The following ZBTB16 variants were observed in gnomAD, a reference collection of about 807,000 sequenced individuals.
ZBTB16 encodes the protein zinc finger and BTB domain-containing protein 16.
A neutral mutation model predicts 56.8 loss-of-function variants in ZBTB16; 8 were observed. The observed-to-expected ratio is 0.14, with a 90% CI of 0.08 to 0.25. The LOEUF is 0.25. Ranked by LOEUF, ZBTB16 falls within the 10% of genes least tolerant of loss-of-function variation. ZBTB16 has a pLI of 1.00. For missense variants in ZBTB16, 625 were observed against 903.0 expected, an observed-to-expected ratio of 0.69 and a Z score of 3.95; for synonymous variants, 363 against 368.5, an observed-to-expected ratio of 0.98 and a Z score of 0.17.
intron 2 of ZBTB16, among the ~76,000 whole-genome samples, chr11:114,099,132 T>C (rs1940519689): frequency 6.6e-6 from 1 of 152,228 alleles, no homozygotes. Flanking sequence ...AGTTGAGCAA[T>C]GTTCTGTTTG....
intron 2 of ZBTB16, among the ~76,000 whole-genome samples, chr11:114,103,710 G>A (rs978872163): frequency 3.3e-5 from 5 of 151,990 alleles, no homozygotes; most frequent in East Asian, 1.9e-4. Context: ...TAGAAGATGC[G>A]GGGTGGAGAT....
chr11:114,172,498 A>C (rs911937236), intron 3 of ZBTB16, among the ~76,000 whole-genome samples: 4 of 152,198 alleles, frequency 2.6e-5, no homozygotes, highest in African/African-American at 9.7e-5. Flanking sequence ...TCACCTAGCA[A>C]GTAAGAGACA....
intron 4 of ZBTB16, among the ~76,000 whole-genome samples, chr11:114,222,258 AC>A (rs1944244134): frequency 6.6e-6 from 1 of 150,692 alleles, no homozygotes. Flanking sequence ...ACCTGAATGA[AC>A]AGAAAGTATC....
chr11:114,119,718 C>G (rs1170454917), intron 2 of ZBTB16, among the ~76,000 whole-genome samples: 1 of 152,126 alleles, frequency 6.6e-6, no homozygotes, highest in Admixed American at 6.5e-5. Context: ...GTGTCAGTCT[C>G]TGAGTTAGGT....
At chr11:114,130,830 GA>G (rs1158394491) in intron 2 of ZBTB16, among the ~76,000 whole-genome samples, 1 of 152,222 alleles carries the variant, frequency 6.6e-6, no homozygotes. Context: ...TAAAGAAAAT[GA>G]AACAGTTAAC....
At chr11:114,108,010 T>C (rs1445676257) in intron 2 of ZBTB16, among the ~76,000 whole-genome samples, 1 of 152,102 alleles carries the variant, frequency 6.6e-6, no homozygotes, top group African/African-American at 2.4e-5. Flanking sequence ...TCATTATTAT[T>C]ATTAGTTTGT....
chr11:114,084,396 TTCCCTCAGAGTG>T (rs1301292927), intron 2 of ZBTB16, among the ~76,000 whole-genome samples: 1 of 152,240 alleles, frequency 6.6e-6, no homozygotes, highest in African/African-American at 2.4e-5. Flanking sequence ...GAGGCTGCTC[TTCCCTCAGAGTG>T]TCCAACTAGC....
At chr11:114,076,637 C>T (rs561584121) in intron 2 of ZBTB16, among the ~76,000 whole-genome samples, 3 of 149,990 alleles carry the variant, frequency 2.0e-5, no homozygotes, top group South Asian at 4.3e-4. Context: ...CCCCCACCCC[C>T]GCCCCCTTGG....
chr11:114,225,104 G>T (rs1304184347), intron 4 of ZBTB16, among the ~76,000 whole-genome samples: 1 of 152,136 alleles, frequency 6.6e-6, no homozygotes, highest in Non-Finnish European at 1.5e-5. Context: ...TCAGGAATTG[G>T]CCAGAAGTCA....
rs550786073 is a variant in ZBTB16, at chr11:114,114,880, G to A, written c.1269-41457G>A. Among the ~76,000 whole-genome samples the A allele has an allele frequency of 1.5e-4, 22 of 151,722 alleles. No individual in the cohort carries two copies. The East Asian group carries it at 1.9e-3, about 13-fold the overall frequency. On this transcript the variant is annotated intron_variant, in intron 2 of 6. Transcript: ENST00000335953. Reference sequence around the variant, plus strand: ...ATATTTTTTGTAGAGACAGGGTTTCGCCATGTTGCCCAGGCTGGTCTCGAA... The same window carrying A: ...ATATTTTTTGTAGAGACAGGGTTTCACCATGTTGCCCAGGCTGGTCTCGAA...
At chr11:114,214,952 G>A (rs1944067243) in intron 4 of ZBTB16, among the ~76,000 whole-genome samples, 1 of 151,654 alleles carries the variant, frequency 6.6e-6, no homozygotes, top group Non-Finnish European at 1.5e-5. Context: ...CAATTGGGGT[G>A]GAGGGATTTG....
At chr11:114,147,396 A>G (rs1257027187) in intron 2 of ZBTB16, among the ~76,000 whole-genome samples, 1 of 152,212 alleles carries the variant, frequency 6.6e-6, no homozygotes, top group Non-Finnish European at 1.5e-5. Flanking sequence ...CTTTTTGAAA[A>G]CTGTTTTCCC....
intron 4 of ZBTB16, among the ~76,000 whole-genome samples, chr11:114,238,822 C>T (rs1227912313): frequency 6.6e-6 from 1 of 152,188 alleles, no homozygotes; most frequent in African/African-American, 2.4e-5. Context: ...TGGTGTCTCT[C>T]TCCTTAGCCT....
At chr11:114,193,541 G>A (rs1246404434) in intron 4 of ZBTB16, among the ~76,000 whole-genome samples, 3 of 152,178 alleles carry the variant, frequency 2.0e-5, no homozygotes, top group Admixed American at 1.3e-4. Flanking sequence ...CACTCACAGC[G>A]CTACTTCCTG....
rs1200523348 is a variant in ZBTB16, at chr11:114,254,532, G to T, written c.*3977G>T. ...TAGGGGAGAGAGCAGAGGTGGGGCA[G>T]CCTTTCGACTCTGTCCATGACGGCT... On this transcript the variant is annotated 3_prime_UTR_variant, in exon 7 of 7. Transcript: ENST00000335953. Among the ~76,000 whole-genome samples, 3 of 152,226 alleles carry T rather than the reference G, an allele frequency of 2.0e-5. No individual in the cohort carries two copies. Among genetic ancestry groups the T allele is most frequent in the Non-Finnish European group, 4.4e-5 (3 of 68,040 alleles).
intron 2 of ZBTB16, among the ~76,000 whole-genome samples, chr11:114,090,564 G>A (rs1365758895): frequency 1.3e-5 from 2 of 152,202 alleles, no homozygotes; most frequent in Non-Finnish European, 2.9e-5. Context: ...GGTTTTGGAG[G>A]GCTGGGCTGA....
chr11:114,114,744 A>G (rs1266779419), intron 2 of ZBTB16, among the ~76,000 whole-genome samples: 1 of 151,552 alleles, frequency 6.6e-6, no homozygotes, highest in Non-Finnish European at 1.5e-5. Context: ...CAGTGGTACA[A>G]TCTTGGCTCA....
chr11:114,099,158 A>C (rs1940520285), intron 2 of ZBTB16, among the ~76,000 whole-genome samples: 1 of 152,188 alleles, frequency 6.6e-6, no homozygotes, highest in East Asian at 1.9e-4. Flanking sequence ...GCTGCATTTC[A>C]GAAGCTTGTA....
Position 114,250,971 on chromosome 11 carries a change from G to A in ZBTB16, c.*416G>A, listed in dbSNP as rs1944908008. Among the ~76,000 whole-genome samples the A allele has an allele frequency of 6.6e-6, 1 of 152,166 alleles. No homozygotes were observed. On this transcript the variant is annotated 3_prime_UTR_variant, in exon 7 of 7. Transcript: ENST00000335953. This position sits in a 1 kb window ranked among gnomAD's most constrained non-coding sequence, Gnocchi z 6.0. ...TCCACCAAGACCCCCAGGAGATGAA[G>A]GGAGGGAGGAGGTGAGCCAGAAGGG...
Sources: allele counts gnomAD v4.1 joint callset (sites outside exome capture counted in the v4.1 genomes callset), GRCh38; gene constraint gnomAD v4.1.1; non-coding constraint Gnocchi (gnomAD v3.1); transcripts MANE v1.5; gene names NCBI Gene and HGNC (gene_info 2026-07-23, HGNC 2026-07-21).